TUBGCP5: variants seen among roughly 807,000 people sequenced by gnomAD.
The protein encoded by TUBGCP5 is tubulin gamma complex component 5, also known as gamma-tubulin complex component 5.
In TUBGCP5, 98 loss-of-function variants were observed where a neutral mutation model predicts 134.7. The observed-to-expected ratio is 0.73, with a 90% CI of 0.62 to 0.86. The LOEUF (loss-of-function observed/expected upper bound fraction) is 0.86, where lower values mean the gene tolerates loss of function less well. Ranked by LOEUF, TUBGCP5 falls within the 40% of genes least tolerant of loss-of-function variation. The pLI is 0.00. For missense variants in TUBGCP5, 1,150 were observed against 1,244.8 expected (o/e 0.92, Z 1.15); for synonymous variants, 456 against 431.4 (o/e 1.06, Z -0.71).
chr15:23,029,230 A>T (rs1011357030), intron 6 of TUBGCP5, among the ~76,000 whole-genome samples: 7 of 151,816 alleles, frequency 4.6e-5, no homozygotes, highest in East Asian at 1.9e-4. Flanking sequence ...TTATTTATTT[A>T]TTTTTTTTGA....
At position 23,039,300 on chromosome 15, in the gene TUBGCP5, A is replaced by C. The variant is rs1465434530; in HGVS notation, c.146+98T>G. 4.1e-6 allele frequency: 5 copies of C among 1,207,328 alleles called. No homozygotes were observed. In the East Asian group the frequency reaches 1.0e-4, roughly 25 times the overall value. The allele number at this position is 1,207,328 out of a possible 1,614,324, so 74.8% of individuals were successfully genotyped here. On this transcript the variant is annotated intron_variant, in intron 1 of 22. Coordinates refer to ENST00000615383, the MANE Select transcript of TUBGCP5 (RefSeq NM_052903.6). ...CTGAGGCCGCGCCCGCCTCCGCCCC[A>C]TGCCCTGCCCCAGCGCGCCCCGACC...
At position 23,037,327 on chromosome 15, in the gene TUBGCP5, G is replaced by A. The variant is rs139748118; in HGVS notation, c.147-175C>T. On this transcript the variant is annotated intron_variant, in intron 1 of 22. Coordinates refer to ENST00000615383, the MANE Select transcript of TUBGCP5 (RefSeq NM_052903.6). ...AGGCAGGCAAATAATCACCGTGTCC[G>A]AGACTGTGCAAGCATCCTTTCTCCA... 1.5e-4 allele frequency among the ~76,000 whole-genome samples: 23 copies of A among 152,170 alleles called. No individual in the cohort carries two copies. In the East Asian group the frequency reaches 2.7e-3, roughly 18 times the overall value.
At chr15:23,011,009 A>T in intron 14 of TUBGCP5, 124 bp downstream of exon 14, 1 of 917,742 alleles carries the variant, frequency 1.1e-6, no homozygotes, top group Non-Finnish European at 1.6e-6. Flanking sequence ...AAGGAAAAAG[A>T]AAAAAGAAAG....
intron 7 of TUBGCP5, 46 bp downstream of exon 7, chr15:23,027,146 A>G (rs2066025790): frequency 5.6e-6 from 8 of 1,417,180 alleles, no homozygotes; most frequent in South Asian, 2.5e-5. Flanking sequence ...TTTAAACATC[A>G]AAGTTTCTTC....
rs112204705 is a variant in TUBGCP5, at chr15:23,022,294, A to G, written c.1169-133T>C. ...GGAGGACGGTGGATTTTAATCTCAT[A>G]CCACAAGGACCTAATTTCCCTAAGG... On this transcript the variant is annotated intron_variant, in intron 10 of 22. Coordinates refer to ENST00000615383, the MANE Select transcript of TUBGCP5 (RefSeq NM_052903.6). The G allele has an allele frequency of 2.7e-3, 2,200 of 814,528 alleles. 16 individuals carry two copies. Among genetic ancestry groups the G allele is most frequent in the African/African-American group, 0.024 (1,388 of 58,690 alleles). The allele number at this position is 814,528 out of a possible 1,614,324, so 50.5% of individuals were successfully genotyped here.
chr15:23,024,700 C>T, intron 9 of TUBGCP5, 37 bp downstream of exon 9: 3 of 1,106,948 alleles, frequency 2.7e-6, no homozygotes, highest in Non-Finnish European at 3.9e-6. Context: ...TTACATAAAT[C>T]CTATTTCTTA....
chr15:23,005,744 C>T lies in TUBGCP5; in HGVS notation c.2534-134G>A, dbSNP rs529736896. The T allele has an allele frequency of 1.5e-4, 140 of 945,472 alleles. No individual in the cohort carries two copies. In the African/African-American group the frequency reaches 1.7e-3, roughly 12 times the overall value. The allele number at this position is 945,472 out of a possible 1,614,324, so 58.6% of individuals were successfully genotyped here. A position where few individuals can be genotyped will look rare whatever the true frequency, so the allele number is the denominator to read the frequency against. Reference sequence around the variant, plus strand: ...AAGCACTGGCAGGGGTGGCAGGAACCGAACCTCAGTGCCTCTGGAAGGTGC... The same window carrying T: ...AAGCACTGGCAGGGGTGGCAGGAACTGAACCTCAGTGCCTCTGGAAGGTGC... On this transcript the variant is annotated intron_variant, in intron 18 of 22. Coordinates refer to ENST00000615383, the MANE Select transcript of TUBGCP5 (RefSeq NM_052903.6).
In TUBGCP5 at chr15:23,036,938, C is replaced by T; in HGVS notation, c.268G>A (p.Glu90Lys). The stretch of plus-strand genomic sequence containing the variant: ...CTGGGAAGTGGTGCATTTAGAAATT[C>T]CTCCGTTAATCTCTTCCAACTAGCA... ...KAASWKRLTE[E>K]FLNAPLPSIK... Residue 90 changes from glutamate (E) to lysine (K), a missense_variant, in exon 3 of 23, where the codon GAA becomes AAA. This residue lies in a region of TUBGCP5 where 453 missense variants were observed against 394.7 expected (regional missense o/e 1.15). Coordinates refer to ENST00000615383, the MANE Select transcript of TUBGCP5 (RefSeq NM_052903.6). 2 of 1,612,672 alleles carry T rather than the reference C, an allele frequency of 1.2e-6. No individual in the cohort carries two copies. Among genetic ancestry groups the T allele is most frequent in the Non-Finnish European group, 1.7e-6 (2 of 1,179,312 alleles).
chr15:22,993,340 C>G (rs559256566), intron 23 of TUBGCP5, among the ~76,000 whole-genome samples: 1 of 151,150 alleles, frequency 6.6e-6, no homozygotes, highest in South Asian at 2.1e-4. Context: ...CCTCGTGATT[C>G]GCCTGCCTCT....
chr15:22,984,600 CAGAG>C (rs1179267573), intron 23 of TUBGCP5, among the ~76,000 whole-genome samples: 1 of 151,388 alleles, frequency 6.6e-6, no homozygotes, highest in Non-Finnish European at 1.5e-5. Flanking sequence ...AACCTGGCAA[CAGAG>C]AGAGACTCCG....
rs1326314911 is a variant in TUBGCP5 at position 23,024,935 on chromosome 15, TCAC to T, written c.828-108_828-106del. The T allele has an allele frequency of 7.3e-6, 5 of 686,326 alleles. No individual in the cohort carries two copies. In the Admixed American group the frequency reaches 1.3e-4, roughly 19 times the overall value. The allele number at this position is 686,326 out of a possible 1,614,324, so 42.5% of individuals were successfully genotyped here. ...TTTTTTTTGACAGGGACTCACTTTG[TCAC>T]CCACCCAGGCTGGAGTGCAGCAGCA... On this transcript the variant is annotated intron_variant, in intron 8 of 22. Transcript: ENST00000615383.
intron 21 of TUBGCP5, among the ~76,000 whole-genome samples, chr15:23,002,387 C>T: frequency 1.3e-5 from 2 of 152,212 alleles, no homozygotes; most frequent in South Asian, 4.1e-4. Flanking sequence ...GAAGTAACAG[C>T]AGAATTACTG....
chr15:23,000,415 C>A, intron 22 of TUBGCP5, 154 bp downstream of exon 22: 1 of 1,409,830 alleles, frequency 7.1e-7, no homozygotes, highest in Non-Finnish European at 9.2e-7. Context: ...GCTTAAAAAG[C>A]AATTCAAAGC....
rs191224641 is a variant in TUBGCP5 at position 23,032,525 on chromosome 15, G to A, written c.406+203C>T. Reference sequence around the variant, plus strand: ...GAATATTTTTGATCTGTAGTTGATTGAATCTGTGGGTCTGGAACCTGAGAA... The same window carrying A: ...GAATATTTTTGATCTGTAGTTGATTAAATCTGTGGGTCTGGAACCTGAGAA... On this transcript the variant is annotated intron_variant, in intron 4 of 22. Transcript: ENST00000615383. Among the ~76,000 whole-genome samples the A allele has an allele frequency of 1.4e-4, 21 of 152,208 alleles. 1 individual carries two copies. Among genetic ancestry groups the A allele is most frequent in the Admixed American group, 1.3e-3 (20 of 15,280 alleles).
chr15:22,995,621 T>G (rs1212686986), downstream of TUBGCP5, among the ~76,000 whole-genome samples: 2 of 150,784 alleles, frequency 1.3e-5, no homozygotes, highest in East Asian at 3.9e-4. Flanking sequence ...CCAAATTGGC[T>G]GTACCATCTG....
intron 10 of TUBGCP5, 36 bp downstream of exon 10, chr15:23,023,911 C>T (rs759663262): frequency 1.2e-5 from 19 of 1,599,042 alleles, no homozygotes; most frequent in South Asian, 2.3e-5. Context: ...TTATGAGTTA[C>T]GTGTAGTATG....
At chr15:23,000,188 T>C in intron 22 of TUBGCP5, 1 of 998,052 alleles carries the variant, frequency 1.0e-6, no homozygotes, top group Non-Finnish European at 1.3e-6. Flanking sequence ...ATTAGAGGCA[T>C]GAGCCACCGC....
At chr15:23,034,872 CAAT>C (rs2066495167) in intron 3 of TUBGCP5, among the ~76,000 whole-genome samples, 2 of 149,800 alleles carry the variant, frequency 1.3e-5, no homozygotes, top group African/African-American at 4.9e-5. Flanking sequence ...AAAACAGGAA[CAAT>C]AATAAAAATG....
rs199994530 is a variant in TUBGCP5 at position 23,005,548 on chromosome 15, C to A, written c.2596G>T (p.Val866Phe). The A allele has an allele frequency of 8.4e-5, 135 of 1,614,028 alleles. 1 individual carries two copies. Among genetic ancestry groups the A allele is most frequent in the Middle Eastern group, 8.2e-4 (5 of 6,084 alleles). Residue 866 changes from valine (V) to phenylalanine (F), a missense_variant, in exon 19 of 23, where the codon GTT (valine) becomes TTT (phenylalanine). By Grantham distance (50) the Val-to-Phe change is conservative. Coordinates refer to ENST00000615383, the MANE Select transcript of TUBGCP5 (RefSeq NM_052903.6). ...TCTTTTTGTGGTCCGAACTGAGCAACTGTGTCTTGTTCATGTATAAGGCCT... is the reference window on the plus strand; with the variant it reads ...TCTTTTTGTGGTCCGAACTGAGCAAATGTGTCTTGTTCATGTATAAGGCCT... ...KEGLIHEQDTVAQFGPQKEPV... is the reference protein window; with the variant it reads ...KEGLIHEQDTFAQFGPQKEPV...
Sources: allele counts gnomAD v4.1 joint callset (sites outside exome capture counted in the v4.1 genomes callset), GRCh38; gene constraint gnomAD v4.1.1; regional missense constraint gnomAD v4.1.1; transcripts MANE v1.5; gene names NCBI Gene and HGNC (gene_info 2026-07-23, HGNC 2026-07-21).